Variants in STARD8 observed in about 807,000 individuals in gnomAD.
The protein encoded by STARD8 is stAR-related lipid transfer protein 8.
Under a neutral mutation model 69.4 loss-of-function variants are expected in STARD8, and 25 were observed. That is an observed-to-expected ratio of 0.36 (90% confidence interval 0.26 to 0.50). The LOEUF is 0.50. Among genes scored for constraint, STARD8 ranks in the 20% least tolerant of loss-of-function variants. The probability of loss-of-function intolerance (pLI) is 0.96; values close to 1 mark genes in which losing one functional copy is unlikely to be tolerated. For synonymous variants in STARD8, 389 were observed against 374.6 expected, an observed-to-expected ratio of 1.04 and a Z score of -0.45; for missense variants, 921 against 932.5, an observed-to-expected ratio of 0.99 and a Z score of 0.16.
chrX:68,715,193 G>C, intron 3 of STARD8, 101 bp from the exon 4 acceptor site: 1 of 683,719 alleles, frequency 1.5e-6, no homozygotes, highest in South Asian at 2.8e-5. Context: ...TTGTCTTCCT[G>C]CTCCCCCTCC....
At chrX:68,676,911 C>T (rs1016942238) in intron 2 of STARD8, among the ~76,000 whole-genome samples, 6 of 109,480 alleles carry the variant, frequency 5.5e-5, no homozygotes. Flanking sequence ...TTTGGGAGGC[C>T]AAGGTGGGAG....
At chrX:68,676,092 C>T (rs1325102653) in intron 2 of STARD8, among the ~76,000 whole-genome samples, 1 of 112,297 alleles carries the variant, frequency 8.9e-6, no homozygotes, top group Non-Finnish European at 1.9e-5. Flanking sequence ...TGTGATTTGC[C>T]AAAAATATAA....
At chrX:68,698,560 C>T (rs775664824) in intron 2 of STARD8, among the ~76,000 whole-genome samples, 92 of 108,774 alleles carry the variant, frequency 8.5e-4, no homozygotes, top group Non-Finnish European at 1.3e-3. Flanking sequence ...TCTGGACAAG[C>T]AGTGGCACTT....
intron 2 of STARD8, among the ~76,000 whole-genome samples, chrX:68,706,037 G>A (rs913287578): frequency 8.9e-6 from 1 of 112,325 alleles, no homozygotes; most frequent in Non-Finnish European, 1.9e-5. Flanking sequence ...TGGGCTGTTT[G>A]CTTTGGTGGT....
intron 1 of STARD8, among the ~76,000 whole-genome samples, chrX:68,660,514 C>T (rs1020765105): frequency 1.2e-4 from 13 of 111,724 alleles, no homozygotes; most frequent in African/African-American, 3.9e-4. Context: ...AAAAGTGGCA[C>T]CGTGACACCA....
intron 2 of STARD8, among the ~76,000 whole-genome samples, chrX:68,709,408 T>C (rs1397691352): frequency 8.9e-6 from 1 of 112,364 alleles, no homozygotes; most frequent in Non-Finnish European, 1.9e-5. Context: ...TTTGGGACCC[T>C]TCAGAGTCAG....
At chrX:68,684,413 A>C (rs929762729) in intron 2 of STARD8, among the ~76,000 whole-genome samples, 4 of 112,381 alleles carry the variant, frequency 3.6e-5, no homozygotes, top group Non-Finnish European at 7.5e-5. Flanking sequence ...ATGCCTTAGC[A>C]GGGTGGGAAG....
intron 1 of STARD8, among the ~76,000 whole-genome samples, chrX:68,649,496 G>T (rs1229890253): frequency 9.1e-6 from 1 of 110,467 alleles, no homozygotes; most frequent in Non-Finnish European, 1.9e-5. Flanking sequence ...TGAGAGAAAA[G>T]TAGGGATAAT....
Position 68,719,354 on chromosome X carries a change from G to A in STARD8, c.1845G>A (p.Ala615=), listed in dbSNP as rs202070670. The change falls in exon 7 of 15, where the codon GCG becomes GCA. Residue 615 remains alanine (A), a synonymous_variant. Coordinates refer to ENST00000374599, the MANE Select transcript of STARD8 (RefSeq NM_001142503.3). ...AGGGCTCACTGCTGCGGCTTACCGC[G>A]TTCATGGAGAAGTACACTGTGCCCC... The part of the protein sequence containing the change: ...LHKGSLLRLT[A]FMEKYTVPHK... 34 of 1,201,687 alleles carry A rather than the reference G, an allele frequency of 2.8e-5. No individual in the cohort carries two copies. Among genetic ancestry groups the A allele is most frequent in the African/African-American group, 3.5e-5 (2 of 57,216 alleles).
chrX:68,652,925 T>C (rs866130662), intron 1 of STARD8, among the ~76,000 whole-genome samples: 917 of 5,652 alleles, frequency 0.16, 1 homozygote, highest in Non-Finnish European at 0.18. Context: ...CACACACACA[T>C]CACACACACC....
At chrX:68,651,251 C>T (rs978776644) in intron 1 of STARD8, among the ~76,000 whole-genome samples, 6 of 112,733 alleles carry the variant, frequency 5.3e-5, no homozygotes, top group African/African-American at 1.3e-4. Flanking sequence ...ATGCACACGG[C>T]GTGAAGGTCC....
chrX:68,695,641 G>T (rs1189562036), intron 2 of STARD8, among the ~76,000 whole-genome samples: 4 of 111,534 alleles, frequency 3.6e-5, no homozygotes, highest in Non-Finnish European at 7.5e-5. Context: ...GTGCTTGCTT[G>T]AGACAGGGCT....
At chrX:68,690,297 C>A (rs4844101) in intron 2 of STARD8, among the ~76,000 whole-genome samples, 7,167 of 111,122 alleles carry the variant, frequency 0.064, 330 homozygotes, top group South Asian at 0.2. Context: ...TGATTTGCTG[C>A]GGTTTCTTTA....
chrX:68,649,474 T>C lies in STARD8; in HGVS notation c.45+1547T>C, dbSNP rs183014206. On this transcript the variant is annotated intron_variant, in intron 1 of 14. Transcript: ENST00000374599. ...GGTCCTGAATGAGATTTTTCAACCA[T>C]CTGTGGTGGAATGAGAGAAAAGTAG... 3.6e-5 allele frequency among the ~76,000 whole-genome samples: 4 copies of C among 110,188 alleles called. No homozygotes were observed. The Admixed American group carries it at 3.9e-4, about 11-fold the overall frequency.
intron 1 of STARD8, among the ~76,000 whole-genome samples, chrX:68,661,467 G>A (rs1463825930): frequency 8.9e-6 from 1 of 111,843 alleles, no homozygotes; most frequent in African/African-American, 3.3e-5. Context: ...TAGACTGAGA[G>A]CTCCTCCAGG....
At position 68,719,309 on chromosome X, in the gene STARD8, C is replaced by T. The variant is rs748918992; in HGVS notation, c.1800C>T (p.Gly600=). The T allele has an allele frequency of 8.3e-7, 1 of 1,209,684 alleles. No individual in the cohort carries two copies. The highest frequency in any genetic ancestry group is 1.1e-6 in the Non-Finnish European group (1 of 894,318). Residue 600 remains glycine, a synonymous_variant, in exon 7 of 15, where the codon GGC becomes GGT. Transcript: ENST00000374599. The stretch of plus-strand genomic sequence containing the variant: ...TGGAGATCAACCGGCAGTTTGCAGG[C>T]CAGATCAACCTCCTGCACAAGGGCT... ...ESLEINRQFA[G]QINLLHKGSL...
chrX:68,710,747 G>T (rs150517537), intron 2 of STARD8, among the ~76,000 whole-genome samples: 1 of 112,323 alleles, frequency 8.9e-6, no homozygotes, highest in Non-Finnish European at 1.9e-5. Context: ...CTTTCCTGGG[G>T]TGGCCATACT....
At position 68,668,101 on chromosome X, in the gene STARD8, C is replaced by CTTTCTTTCTTTCT. The variant is rs1556021512; in HGVS notation, c.79+2570_79+2582dup. Among the ~76,000 whole-genome samples the CTTTCTTTCTTTCT allele has an allele frequency of 3.6e-3, 350 of 96,772 alleles. 1 individual carries two copies. Among genetic ancestry groups the CTTTCTTTCTTTCT allele is most frequent in the African/African-American group, 0.01 (264 of 25,236 alleles). 84.0% of individuals were successfully genotyped at this position (96,772 alleles called of 115,157 possible). On this transcript the variant is annotated intron_variant, in intron 2 of 14. Transcript: ENST00000374599. ...TCTTTCTTTCTTTCTTTCTTTCTTT[C>CTTTCTTTCTTTCT]TTTCTTTCTTTCTGTCTTTCTTTCT...
In STARD8 at chrX:68,722,061, G is replaced by A. The variant is rs138190419; in HGVS notation, c.2474G>A (p.Arg825His). The A allele has an allele frequency of 1.2e-4, 140 of 1,199,722 alleles. No individual in the cohort carries two copies. The Admixed American group carries it at 1.6e-3, about 14-fold the overall frequency. ...DSPSPRIKSK[R>H]SLIGRPGPRD... ...GCTCCATCTAGGATCAAGAGCAAACGCAGCCTCATTGGCAGGCCAGGCCCT... is the reference window on the plus strand; with the variant it reads ...GCTCCATCTAGGATCAAGAGCAAACACAGCCTCATTGGCAGGCCAGGCCCT... The change falls in exon 11 of 15, where the codon CGC (arginine) becomes CAC (histidine). Residue 825 changes from arginine to histidine, a missense_variant. Coordinates refer to ENST00000374599, the MANE Select transcript of STARD8 (RefSeq NM_001142503.3).
Sources: gnomAD v4.1 joint callset for allele counts (sites outside exome capture counted in the v4.1 genomes callset) on GRCh38, gnomAD v4.1.1 for gene constraint, MANE v1.5 for transcripts, NCBI Gene and HGNC (gene_info 2026-07-23, HGNC 2026-07-21) for gene names.